Variants in AXDND1 observed in about 807,000 individuals in gnomAD.
The protein encoded by AXDND1 is axonemal dynein light chain domain containing 1, also known as axonemal dynein light chain domain-containing protein 1.
Under a neutral mutation model 137.5 loss-of-function variants are expected in AXDND1, and 110 were observed. That is an observed-to-expected ratio of 0.80 (90% CI 0.69 to 0.94). The LOEUF is 0.94. Among genes scored for constraint, AXDND1 ranks in the 40% least tolerant of loss-of-function variants. The probability of loss-of-function intolerance (pLI) is 0.00; values close to 1 mark genes in which losing one functional copy is unlikely to be tolerated. For missense variants in AXDND1, 1,191 were observed against 1,169.8 expected, an observed-to-expected ratio of 1.02 and a Z score of -0.26; for synonymous variants, 414 against 399.7, an observed-to-expected ratio of 1.04 and a Z score of -0.43.
chr1:179,390,831 A>C (rs972191576), intron 9 of AXDND1, among the ~76,000 whole-genome samples: 2 of 151,066 alleles, frequency 1.3e-5, no homozygotes, highest in African/African-American at 2.4e-5. Flanking sequence ...TTTGAGATGG[A>C]GTTTCGATCT....
intron 25 of AXDND1, among the ~76,000 whole-genome samples, chr1:179,537,625 G>A (rs895892317): frequency 1.3e-5 from 2 of 152,234 alleles, no homozygotes; most frequent in Admixed American, 1.3e-4. Flanking sequence ...TCTCATCAAT[G>A]TTCATCAGGG....
chr1:179,468,513 G>A lies in AXDND1; in HGVS notation c.1869G>A (p.Glu623=), dbSNP rs1179390007. 6.2e-7 allele frequency: 1 copy of A among 1,612,952 alleles called. No homozygotes were observed. The highest frequency in any genetic ancestry group is 1.3e-5 in the African/African-American group (1 of 74,888). The part of the protein sequence containing the change: ...DFCSFKLENL[E]FPDTPLEEWQ... ...GTTCTTTCAAGTTGGAAAACCTGGA[G>A]TTTCCTGATACGCCTCTTGAAGAAT... Residue 623 remains glutamate, a synonymous_variant, in exon 17 of 26, where the codon GAG becomes GAA. Transcript: ENST00000367618.
At chr1:179,460,812 C>G (rs1662212755) in intron 16 of AXDND1, among the ~76,000 whole-genome samples, 1 of 152,204 alleles carries the variant, frequency 6.6e-6, no homozygotes. Flanking sequence ...TGATGATGAG[C>G]ATTTTTTCAT....
At chr1:179,490,961 C>T (rs1666818545) in intron 18 of AXDND1, among the ~76,000 whole-genome samples, 1 of 152,076 alleles carries the variant, frequency 6.6e-6, no homozygotes, top group East Asian at 1.9e-4. Flanking sequence ...GCTGTGGAGC[C>T]CTGGAATGCC....
chr1:179,419,266 G>T (rs1307596644), intron 12 of AXDND1, among the ~76,000 whole-genome samples: 1 of 151,974 alleles, frequency 6.6e-6, no homozygotes, highest in Non-Finnish European at 1.5e-5. Flanking sequence ...CAAGGCAGGC[G>T]GCTGGGAGGT....
rs375854880 is a variant in AXDND1, at chr1:179,483,180, G to A, written c.2050G>A (p.Gly684Ser). Reference sequence around the variant, plus strand: ...GATTCAACAATGGCTTTTGAAGATAGGCAATGAAATTAACAACGGTAACAT... The same window carrying A: ...GATTCAACAATGGCTTTTGAAGATAAGCAATGAAATTAACAACGGTAACAT... ...NMIQQWLLKI[G>S]NEINNGNIEL... Residue 684 changes from glycine to serine, a missense_variant, in exon 18 of 26, where the codon GGC becomes AGC. Gly to Ser is a moderately conservative substitution (Grantham distance 56, BLOSUM62 0). Transcript: ENST00000367618. 3 of 1,610,590 alleles carry A rather than the reference G, an allele frequency of 1.9e-6. No homozygotes were observed. Among genetic ancestry groups the A allele is most frequent in the Non-Finnish European group, 1.7e-6 (2 of 1,178,154 alleles).
chr1:179,391,053 A>C (rs1339022117), intron 9 of AXDND1, among the ~76,000 whole-genome samples: 1 of 149,144 alleles, frequency 6.7e-6, no homozygotes, highest in Non-Finnish European at 1.5e-5. Context: ...TGATCCACCC[A>C]CCTCGGGCCC....
chr1:179,448,333 A>C, intron 16 of AXDND1: 1 of 731,304 alleles, frequency 1.4e-6, no homozygotes. Flanking sequence ...CATAGAGCAC[A>C]CTAAGTTCAT....
At chr1:179,514,194 A>T (rs900333724) in intron 21 of AXDND1, among the ~76,000 whole-genome samples, 1 of 151,940 alleles carries the variant, frequency 6.6e-6, no homozygotes, top group African/African-American at 2.4e-5. Flanking sequence ...CGTCTTTTTG[A>T]TATAGGCATT....
chr1:179,372,872 C>T (rs374574580), intron 4 of AXDND1, among the ~76,000 whole-genome samples: 1 of 152,026 alleles, frequency 6.6e-6, no homozygotes, highest in South Asian at 2.1e-4. Context: ...TATTAGAGAC[C>T]GGGTTTCTCC....
At chr1:179,531,368 G>T (rs1671023705) in intron 23 of AXDND1, among the ~76,000 whole-genome samples, 1 of 152,122 alleles carries the variant, frequency 6.6e-6, no homozygotes, top group Non-Finnish European at 1.5e-5. Context: ...TCCTAACTTG[G>T]TGGCCTTTCA....
chr1:179,436,849 T>TA (rs1276716714), intron 15 of AXDND1, among the ~76,000 whole-genome samples: 4 of 151,466 alleles, frequency 2.6e-5, no homozygotes, highest in Non-Finnish European at 4.4e-5. Context: ...TCCCCAAACT[T>TA]AGAGTAAAAA....
intron 25 of AXDND1, among the ~76,000 whole-genome samples, chr1:179,547,238 T>C (rs1672732999): frequency 6.6e-6 from 1 of 152,216 alleles, no homozygotes; most frequent in Non-Finnish European, 1.5e-5. Flanking sequence ...CAGTGCTTGC[T>C]AGGTGAGCCT....
At chr1:179,426,614 TA>T (rs1656607464) in intron 12 of AXDND1, among the ~76,000 whole-genome samples, 1 of 152,208 alleles carries the variant, frequency 6.6e-6, no homozygotes, top group Non-Finnish European at 1.5e-5. Flanking sequence ...TAAGAAATAC[TA>T]ATACAAGTGA....
chr1:179,453,232 C>A (rs1330576269), intron 16 of AXDND1: 5 of 152,222 alleles, frequency 3.3e-5, no homozygotes, highest in Non-Finnish European at 4.4e-5. Flanking sequence ...GGGTCAGAGA[C>A]CCCACACAGA....
chr1:179,450,144 G>C (rs553376419), intron 16 of AXDND1: 3 of 152,096 alleles, frequency 2.0e-5, no homozygotes, highest in Non-Finnish European at 4.4e-5. Flanking sequence ...GCATCTGCCA[G>C]TAGCTGGGAT....
In AXDND1 at chr1:179,491,677, T is replaced by C. The variant is rs1666913683; in HGVS notation, c.2231T>C (p.Leu744Ser). 1 of 1,608,204 alleles carries C rather than the reference T, an allele frequency of 6.2e-7. No individual in the cohort carries two copies. Among genetic ancestry groups the C allele is most frequent in the Non-Finnish European group, 8.5e-7 (1 of 1,178,212 alleles). The change falls in exon 19 of 26, where the codon TTG becomes TCG. Residue 744 changes from leucine (L) to serine (S), a missense_variant. Leu to Ser is a moderately radical substitution (Grantham distance 145). Coordinates refer to ENST00000367618, the MANE Select transcript of AXDND1 (RefSeq NM_144696.6). ...AAACATGATATAGGAGTTGCGCGAT[T>C]GGAGCTAGATGCGATTGAACTGACA... is the stretch of plus-strand genomic sequence containing the variant. ...AEKHDIGVAR[L>S]ELDAIELTRK...
chr1:179,542,222 A>AT (rs1672237982), intron 25 of AXDND1, among the ~76,000 whole-genome samples: 1 of 152,224 alleles, frequency 6.6e-6, no homozygotes, highest in East Asian at 1.9e-4. Context: ...ATTAGAGGCT[A>AT]TTTTTTTATT....
At chr1:179,499,674 C>T (rs1667800819) in intron 20 of AXDND1, among the ~76,000 whole-genome samples, 2 of 151,786 alleles carry the variant, frequency 1.3e-5, no homozygotes. Context: ...TCAAGAGAGC[C>T]CAAAATTGGT....
Sources: gnomAD v4.1 joint callset for allele counts (sites outside exome capture counted in the v4.1 genomes callset) on GRCh38, gnomAD v4.1.1 for gene constraint, MANE v1.5 for transcripts, NCBI Gene and HGNC (gene_info 2026-07-23, HGNC 2026-07-21) for gene names.